Variants in SSH2 observed in about 807,000 individuals in gnomAD.
SSH2 encodes the protein slingshot protein phosphatase 2, also known as protein phosphatase Slingshot homolog 2.
A neutral mutation model predicts 135.2 loss-of-function variants in SSH2; 37 were observed. The observed-to-expected ratio is 0.27, with a 90% CI of 0.21 to 0.36. SSH2 has a LOEUF of 0.36. Among genes scored for constraint, SSH2 ranks in the 10% least tolerant of loss-of-function variants. The pLI is 1.00. For synonymous variants in SSH2, 628 were observed against 646.2 expected (o/e 0.97, Z 0.43); for missense variants, 1,408 against 1,765.3 (o/e 0.80, Z 3.63).
chr17:29,631,593 C>G lies in SSH2; in HGVS notation c.3601G>C (p.Val1201Leu), dbSNP rs747102601. The G allele has an allele frequency of 6.2e-7, 1 of 1,614,174 alleles. No individual in the cohort carries two copies. Among genetic ancestry groups the G allele is most frequent in the East Asian group, 2.2e-5 (1 of 44,892 alleles). ...QESPLSSGSE[V>L]PYKDSQLSSA... ...CTTAGCTGGGAGTCCTTATATGGCACCTCACTGCCACTGGAGAGAGGGCTC... is the reference window on the plus strand; with the variant it reads ...CTTAGCTGGGAGTCCTTATATGGCAGCTCACTGCCACTGGAGAGAGGGCTC... Residue 1201 changes from valine to leucine, a missense_variant, in exon 16 of 16, where the codon GTG becomes CTG. Coordinates refer to ENST00000540801, the MANE Select transcript of SSH2 (RefSeq NM_001282129.2).
chr17:29,750,438 CA>C (rs58020189), intron 3 of SSH2, among the ~76,000 whole-genome samples: 43 of 123,014 alleles, frequency 3.5e-4, no homozygotes, highest in Admixed American at 5.8e-4. Flanking sequence ...GACTCTGTCT[CA>C]AAAAAAAAAA....
At chr17:29,735,672 G>A (rs1176200434) in intron 3 of SSH2, among the ~76,000 whole-genome samples, 21 of 149,150 alleles carry the variant, frequency 1.4e-4, no homozygotes, top group Admixed American at 4.0e-4. Context: ...ACTCCAGCCT[G>A]GACGACAGAG....
chr17:29,843,732 A>G (rs79571692), intron 2 of SSH2, among the ~76,000 whole-genome samples: 1,832 of 152,308 alleles, frequency 0.012, 19 homozygotes, highest in Non-Finnish European at 0.017. Flanking sequence ...TCTTCAATCT[A>G]TAAGGACTGG....
chr17:29,648,077 G>C, intron 14 of SSH2, 67 bp downstream of exon 14: 2 of 1,426,062 alleles, frequency 1.4e-6, no homozygotes, highest in South Asian at 2.3e-5. Context: ...TAGCTACAGA[G>C]AAGGACACTT....
At chr17:29,920,047 C>T (rs1416817604) in intron 1 of SSH2, among the ~76,000 whole-genome samples, 1 of 152,176 alleles carries the variant, frequency 6.6e-6, no homozygotes, top group East Asian at 1.9e-4. Flanking sequence ...GCTGGGATTA[C>T]AGGCATGCGC....
chr17:29,822,551 G>A (rs1054273748), intron 2 of SSH2, among the ~76,000 whole-genome samples: 5 of 151,712 alleles, frequency 3.3e-5, no homozygotes, highest in Non-Finnish European at 5.9e-5. Context: ...TTGTAGAGAC[G>A]GAATCTTGCC....
chr17:29,773,666 T>C (rs1050775646), intron 3 of SSH2, among the ~76,000 whole-genome samples: 4 of 152,196 alleles, frequency 2.6e-5, no homozygotes, highest in Middle Eastern at 3.2e-3. Context: ...GAGAGATCAT[T>C]TGGGTTATTT....
rs540592496 is a variant in SSH2 at position 29,757,234 on chromosome 17, A to ACTTC, written c.188+36656_188+36659dup. Among the ~76,000 whole-genome samples, 69 of 152,330 alleles carry ACTTC rather than the reference A, an allele frequency of 4.5e-4. No individual in the cohort carries two copies. In the Middle Eastern group the frequency reaches 0.014, roughly 30 times the overall value. On this transcript the variant is annotated intron_variant, in intron 3 of 15. Transcript: ENST00000540801. ...TACAGAATCAGGTCTTAGAAATAAC[A>ACTTC]CTTCCCTTTAGGAAAGAGCTTCTTA...
intron 3 of SSH2, among the ~76,000 whole-genome samples, chr17:29,779,611 G>A (rs938013562): frequency 2.0e-5 from 3 of 148,618 alleles, no homozygotes; most frequent in Admixed American, 6.7e-5. Flanking sequence ...GTCAGGATTC[G>A]AGACCAGCCT....
intron 2 of SSH2, among the ~76,000 whole-genome samples, chr17:29,796,016 T>C (rs2042150393): frequency 6.6e-6 from 1 of 152,206 alleles, no homozygotes; most frequent in Non-Finnish European, 1.5e-5. Context: ...GTGCTGGGAT[T>C]ATAGGCGTGA....
At chr17:29,792,899 C>T (rs2042095144) in intron 3 of SSH2, among the ~76,000 whole-genome samples, 1 of 152,126 alleles carries the variant, frequency 6.6e-6, no homozygotes, top group Non-Finnish European at 1.5e-5. Flanking sequence ...TGGTCTTGAT[C>T]TCCTGACCTC....
At chr17:29,736,969 G>A (rs893750906) in intron 3 of SSH2, among the ~76,000 whole-genome samples, 6 of 146,986 alleles carry the variant, frequency 4.1e-5, no homozygotes, top group African/African-American at 1.5e-4. Flanking sequence ...CATGGGGGTG[G>A]GCGCCTGTAG....
At chr17:29,716,312 T>C in intron 3 of SSH2, 4 of 447,948 alleles carry the variant, frequency 8.9e-6, no homozygotes, top group Non-Finnish European at 1.7e-5. Flanking sequence ...CTTTGGCTTC[T>C]TTTTCTGATC....
intron 3 of SSH2, among the ~76,000 whole-genome samples, chr17:29,787,134 A>G (rs1346718001): frequency 1.3e-5 from 2 of 152,196 alleles, no homozygotes; most frequent in African/African-American, 4.8e-5. Context: ...CCACTAGGCA[A>G]TAACTTCCCA....
At chr17:29,634,163 A>T (rs1354345197) in intron 15 of SSH2, among the ~76,000 whole-genome samples, 1 of 152,262 alleles carries the variant, frequency 6.6e-6, no homozygotes, top group Non-Finnish European at 1.5e-5. Context: ...ACAGCTTTGC[A>T]TGTGGTGAAA....
rs138985292 is a variant in SSH2 at position 29,681,906 on chromosome 17, G to A, written c.479+2657C>T. Among the ~76,000 whole-genome samples the A allele has an allele frequency of 6.8e-3, 1,034 of 152,288 alleles. 6 individuals are homozygous for A. The highest frequency in any genetic ancestry group is 0.011 in the Non-Finnish European group (775 of 68,030). The stretch of plus-strand genomic sequence containing the variant: ...GCATCTGAGACTTCTTACTGTCCAA[G>A]GAACTCATTAAAGCAGAGGATGTAT... On this transcript the variant is annotated intron_variant, in intron 6 of 15. Transcript: ENST00000540801.
chr17:29,730,614 ATT>A (rs1196825865), intron 3 of SSH2, among the ~76,000 whole-genome samples: 1 of 151,498 alleles, frequency 6.6e-6, no homozygotes, highest in East Asian at 1.9e-4. Flanking sequence ...TTTTTTGGTA[ATT>A]TTTGTAGAGA....
At chr17:29,725,331 A>AG (rs1408894629) in intron 3 of SSH2, among the ~76,000 whole-genome samples, 1 of 133,598 alleles carries the variant, frequency 7.5e-6, no homozygotes, top group Admixed American at 8.1e-5. Context: ...TGGGCGACAC[A>AG]GCAAGAATCA....
intron 11 of SSH2, among the ~76,000 whole-genome samples, chr17:29,662,138 C>A (rs1169838427): frequency 6.6e-6 from 1 of 152,024 alleles, no homozygotes; most frequent in Non-Finnish European, 1.5e-5. Flanking sequence ...TAAAATGAAA[C>A]CTTTGGACTA....
Sources: allele counts gnomAD v4.1 joint callset (sites outside exome capture counted in the v4.1 genomes callset), GRCh38; gene constraint gnomAD v4.1.1; transcripts MANE v1.5; gene names NCBI Gene and HGNC (gene_info 2026-07-23, HGNC 2026-07-21).